SCUBE1: variants seen among roughly 807,000 people sequenced by gnomAD.
SCUBE1 encodes the protein signal peptide, CUB and EGF-like domain-containing protein 1.
Under a neutral mutation model 124.4 loss-of-function variants are expected in SCUBE1, and 59 were observed. The observed-to-expected ratio is 0.47, with a 90% CI of 0.38 to 0.59. The LOEUF (loss-of-function observed/expected upper bound fraction) is 0.59. Ranked by LOEUF, SCUBE1 falls within the 20% of genes least tolerant of loss-of-function variation. SCUBE1 has a pLI of 0.00. For synonymous variants in SCUBE1, 545 were observed against 550.9 expected (o/e 0.99, Z 0.15); for missense variants, 1,150 against 1,371.2 (o/e 0.84, Z 2.55).
chr22:43,342,129 A>G (rs1199299715), intron 1 of SCUBE1, among the ~76,000 whole-genome samples: 1 of 151,986 alleles, frequency 6.6e-6, no homozygotes, highest in Non-Finnish European at 1.5e-5. Context: ...AAGGACGTGC[A>G]GGACCCTCCC....
At position 43,198,376 on chromosome 22, in the gene SCUBE1, C is replaced by T; in HGVS notation, c.*5621G>A. On this transcript the variant is annotated 3_prime_UTR_variant, in exon 22 of 22. Coordinates refer to ENST00000360835, the MANE Select transcript of SCUBE1 (RefSeq NM_173050.5). ...GGCACGCAGGCCATGCCTGTGTTGTCTGGGCTTCAAGGATGCTTTGCCCAC... is the reference window on the plus strand; with the variant it reads ...GGCACGCAGGCCATGCCTGTGTTGTTTGGGCTTCAAGGATGCTTTGCCCAC... 2.7e-6 allele frequency: 1 copy of T among 370,864 alleles called. No homozygotes were observed. Among genetic ancestry groups the T allele is most frequent in the Non-Finnish European group, 5.4e-6 (1 of 185,634 alleles). The allele number at this position is 370,864 out of a possible 1,614,324, so 23.0% of individuals were successfully genotyped here. A position where few individuals can be genotyped will look rare whatever the true frequency, so the allele number is the denominator to read the frequency against.
At chr22:43,212,247 C>G (rs1248341313) in intron 17 of SCUBE1, among the ~76,000 whole-genome samples, 178 bp downstream of exon 17, 1 of 152,230 alleles carries the variant, frequency 6.6e-6, no homozygotes, top group Non-Finnish European at 1.5e-5. Flanking sequence ...ATAAGGTGTC[C>G]CTGTCCTAAT....
chr22:43,270,213 T>G (rs1263864158), intron 4 of SCUBE1: 1 of 152,212 alleles, frequency 6.6e-6, no homozygotes, highest in Non-Finnish European at 1.5e-5. Flanking sequence ...ACAAGGAGTA[T>G]ATAAAACAAA....
chr22:43,341,486 T>A (rs1051782416), intron 1 of SCUBE1, among the ~76,000 whole-genome samples: 5 of 152,092 alleles, frequency 3.3e-5, no homozygotes, highest in African/African-American at 4.8e-5. Flanking sequence ...TATGTAGGAA[T>A]GAGGGGTGGG....
chr22:43,323,151 G>A (rs1269304519), intron 2 of SCUBE1, among the ~76,000 whole-genome samples: 1 of 152,118 alleles, frequency 6.6e-6, no homozygotes, highest in Non-Finnish European at 1.5e-5. Context: ...TTTATACAGT[G>A]TACTGAGAAA....
intron 2 of SCUBE1, among the ~76,000 whole-genome samples, chr22:43,334,269 T>C (rs1167728391): frequency 6.6e-6 from 1 of 152,218 alleles, no homozygotes; most frequent in Non-Finnish European, 1.5e-5. Context: ...AGGAAAGTCT[T>C]CTTTCCTAAG....
chr22:43,251,504 C>T (rs1035732125), intron 6 of SCUBE1, among the ~76,000 whole-genome samples: 7 of 152,148 alleles, frequency 4.6e-5, no homozygotes, highest in Admixed American at 2.0e-4. Context: ...AGGGGCCCAG[C>T]GTGATCACAG....
intron 2 of SCUBE1, among the ~76,000 whole-genome samples, chr22:43,322,797 AGACTGAGGAAAAGGACT>A (rs1926601375): frequency 6.6e-6 from 1 of 152,244 alleles, no homozygotes; most frequent in Non-Finnish European, 1.5e-5. Context: ...TGGATCAATC[AGACTGAGGAAAAGGACT>A]TTTATTCTAT....
chr22:43,248,445 G>GAGT (rs1923306516), intron 6 of SCUBE1, among the ~76,000 whole-genome samples: 1 of 152,214 alleles, frequency 6.6e-6, no homozygotes, highest in Non-Finnish European at 1.5e-5. Context: ...CCGCACAGCG[G>GAGT]AGTCGCCATC....
intron 2 of SCUBE1, among the ~76,000 whole-genome samples, chr22:43,322,521 G>A (rs1926591776): frequency 6.6e-6 from 1 of 152,078 alleles, no homozygotes; most frequent in Non-Finnish European, 1.5e-5. Flanking sequence ...AGCTACCAAC[G>A]CGTGGTTTTT....
chr22:43,228,712 C>T (rs1047821667), intron 9 of SCUBE1, among the ~76,000 whole-genome samples: 1 of 152,102 alleles, frequency 6.6e-6, no homozygotes, highest in Non-Finnish European at 1.5e-5. Flanking sequence ...TCTACTCTGC[C>T]CCTCTCTGCT....
In SCUBE1 at chr22:43,343,239, C is replaced by T. The variant is rs1192553504; in HGVS notation, c.23G>A (p.Trp8Ter). 8.4e-7 allele frequency: 1 copy of T among 1,195,200 alleles called. No homozygotes were observed. The highest frequency in any genetic ancestry group is 1.0e-6 in the Non-Finnish European group (1 of 959,720). 74.0% of individuals were successfully genotyped at this position (1,195,200 alleles called of 1,614,324 possible). The change falls in exon 1 of 22, where the codon TGG becomes TAG. Residue 8 changes from tryptophan (W) to a stop codon, truncating the protein, a stop_gained. Coordinates refer to ENST00000360835, the MANE Select transcript of SCUBE1 (RefSeq NM_173050.5). LOFTEE classifies it high-confidence loss of function. MGAAAVR[W>*]HLCVLLALGT... ...CAGGGCCAGCAGCACGCACAAGTGC[C>T]AGCGCACGGCCGCCGCGCCCATGCT...
chr22:43,252,046 A>C (rs1484036419), intron 6 of SCUBE1, among the ~76,000 whole-genome samples: 1 of 152,206 alleles, frequency 6.6e-6, no homozygotes, highest in African/African-American at 2.4e-5. Context: ...CAAATCCGAC[A>C]ATTTTAACTG....
rs777076792 is a variant in SCUBE1 at position 43,342,563 on chromosome 22, C to T, written c.88+611G>A. ...CTGTCCCCCGTCTCCTCCTCTCTCT[C>T]TCCCTTATCATCGGTGGGACCATCC... is the stretch of plus-strand genomic sequence containing the variant. On this transcript the variant is annotated intron_variant, in intron 1 of 21. Coordinates refer to ENST00000360835, the MANE Select transcript of SCUBE1 (RefSeq NM_173050.5). Among the ~76,000 whole-genome samples, 435 of 151,912 alleles carry T rather than the reference C, an allele frequency of 2.9e-3. 2 individuals are homozygous for T. Among genetic ancestry groups the T allele is most frequent in the Non-Finnish European group, 4.0e-3 (274 of 67,904 alleles).
intron 2 of SCUBE1, among the ~76,000 whole-genome samples, chr22:43,336,075 C>T (rs561681629): frequency 1.8e-4 from 27 of 152,280 alleles, no homozygotes; most frequent in African/African-American, 4.8e-4. Flanking sequence ...GCACACTCTA[C>T]GGAATGAGTG....
intron 16 of SCUBE1, 50 bp from the exon 17 acceptor site, chr22:43,212,642 C>T (rs1432843584): frequency 1.6e-5 from 25 of 1,525,898 alleles, no homozygotes; most frequent in Middle Eastern, 2.2e-4. Context: ...ACCGCAGGGC[C>T]GAGGCTGTGG....
intron 5 of SCUBE1, among the ~76,000 whole-genome samples, chr22:43,261,127 C>T (rs1304066599): frequency 1.3e-5 from 2 of 152,248 alleles, no homozygotes; most frequent in Non-Finnish European, 2.9e-5. Context: ...TGGCCTTTCT[C>T]GTGAGGAAAC....
At chr22:43,266,166 G>C (rs980506984) in intron 4 of SCUBE1, among the ~76,000 whole-genome samples, 12 of 152,126 alleles carry the variant, frequency 7.9e-5, no homozygotes, top group Admixed American at 2.6e-4. Flanking sequence ...ATATTTTCCA[G>C]AACAAGGAGG....
At chr22:43,232,869 G>T (rs1027783300) in intron 7 of SCUBE1, among the ~76,000 whole-genome samples, 12 of 152,162 alleles carry the variant, frequency 7.9e-5, no homozygotes, top group Non-Finnish European at 1.3e-4. Flanking sequence ...TTAGGCCTTG[G>T]GCCAGCCTGG....
Sources: gnomAD v4.1 joint callset for allele counts (sites outside exome capture counted in the v4.1 genomes callset) on GRCh38, gnomAD v4.1.1 for gene constraint, MANE v1.5 for transcripts, NCBI Gene and HGNC (gene_info 2026-07-23, HGNC 2026-07-21) for gene names.